CDKAL1: variants seen among roughly 807,000 people sequenced by gnomAD.
CDKAL1 encodes the protein CDKAL1 threonylcarbamoyladenosine tRNA methylthiotransferase.
Under a neutral mutation model 68.2 loss-of-function variants are expected in CDKAL1, and 32 were observed. The ratio of observed to expected loss-of-function variants is 0.47; its 90% confidence interval spans 0.35 to 0.63. The LOEUF (loss-of-function observed/expected upper bound fraction) is 0.63, where lower values mean the gene tolerates loss of function less well. Ranked by LOEUF, CDKAL1 falls within the 30% of genes least tolerant of loss-of-function variation. The pLI, the probability that CDKAL1 is intolerant of heterozygous loss-of-function variation, is 0.00. For missense variants in CDKAL1, 606 were observed against 696.7 expected (o/e 0.87, Z 1.47); for synonymous variants, 234 against 244.3 (o/e 0.96, Z 0.39).
chr6:20,933,029 G>A (rs1219214183), intron 9 of CDKAL1, among the ~76,000 whole-genome samples: 1 of 152,138 alleles, frequency 6.6e-6, no homozygotes, highest in Non-Finnish European at 1.5e-5. Flanking sequence ...AAGGAGCCAG[G>A]AATCAAACCC....
At position 21,127,485 on chromosome 6, in the gene CDKAL1, C is replaced by T. The variant is rs1582256061; in HGVS notation, c.1299+19022C>T. ...TGTAAAAAGGCCAGGCACAGTGTCT[C>T]ACACCTGTAATCCCAATACTTTGGG... is the stretch of plus-strand genomic sequence containing the variant. On this transcript the variant is annotated intron_variant, in intron 13 of 15. Coordinates refer to ENST00000274695, the MANE Select transcript of CDKAL1 (RefSeq NM_017774.3). Among the ~76,000 whole-genome samples the T allele has an allele frequency of 2.0e-5, 3 of 152,198 alleles. No homozygotes were observed. The East Asian group carries it at 5.8e-4, about 29-fold the overall frequency.
intron 9 of CDKAL1, among the ~76,000 whole-genome samples, chr6:20,952,686 T>C (rs886582994): frequency 1.3e-5 from 2 of 152,242 alleles, no homozygotes; most frequent in Non-Finnish European, 2.9e-5. Flanking sequence ...GTCTAGCCAA[T>C]TAAGTGTGCA....
intron 8 of CDKAL1, among the ~76,000 whole-genome samples, chr6:20,833,377 C>T (rs79561237): frequency 0.011 from 1,707 of 152,240 alleles, 26 homozygotes; most frequent in African/African-American, 0.039. Flanking sequence ...TATACGTGTT[C>T]TTAACTAAAA....
intron 4 of CDKAL1, among the ~76,000 whole-genome samples, chr6:20,587,096 C>G (rs182993120): frequency 2.1e-5 from 3 of 145,132 alleles, no homozygotes; most frequent in African/African-American, 7.6e-5. Flanking sequence ...AAGTGATTCT[C>G]TTGCCCCAGC....
At chr6:20,565,599 A>G (rs1764431532) in intron 4 of CDKAL1, among the ~76,000 whole-genome samples, 1 of 152,124 alleles carries the variant, frequency 6.6e-6, no homozygotes, top group Admixed American at 6.5e-5. Flanking sequence ...TGTTAGTAAT[A>G]TGCTACATAT....
At chr6:20,792,906 A>C (rs1006093786) in intron 8 of CDKAL1, among the ~76,000 whole-genome samples, 7 of 152,228 alleles carry the variant, frequency 4.6e-5, no homozygotes, top group African/African-American at 1.7e-4. Flanking sequence ...ATATAATAGT[A>C]GTTTTATATG....
At chr6:20,678,886 G>A (rs1440326194) in intron 5 of CDKAL1, among the ~76,000 whole-genome samples, 1 of 151,956 alleles carries the variant, frequency 6.6e-6, no homozygotes, top group Non-Finnish European at 1.5e-5. Flanking sequence ...AATGCCTGTA[G>A]TTTCATTGCC....
At chr6:20,620,275 T>C (rs1767119658) in intron 4 of CDKAL1, among the ~76,000 whole-genome samples, 1 of 152,208 alleles carries the variant, frequency 6.6e-6, no homozygotes, top group Non-Finnish European at 1.5e-5. Flanking sequence ...ACAAGATAGC[T>C]CAAAGACTTT....
At chr6:20,927,503 C>A (rs561220946) in intron 9 of CDKAL1, among the ~76,000 whole-genome samples, 1 of 152,274 alleles carries the variant, frequency 6.6e-6, no homozygotes, top group East Asian at 1.9e-4. Flanking sequence ...TAGGAGTACA[C>A]CTCTTTTGCA....
At chr6:20,681,222 A>C (rs949008078) in intron 5 of CDKAL1, among the ~76,000 whole-genome samples, 1 of 152,182 alleles carries the variant, frequency 6.6e-6, no homozygotes, top group African/African-American at 2.4e-5. Context: ...AACATTGTAG[A>C]AGGTTATTAT....
intron 6 of CDKAL1, chr6:20,756,902 T>TCC (rs1554115824): frequency 8.7e-5 from 9 of 103,254 alleles, no homozygotes; most frequent in African/African-American, 2.9e-4. Flanking sequence ...CTTCCTTCCT[T>TCC]CCTTCCTTCC....
chr6:21,027,690 ACAGATGTGAACGC>A (rs1158014433), intron 11 of CDKAL1, among the ~76,000 whole-genome samples: 1 of 152,262 alleles, frequency 6.6e-6, no homozygotes, highest in African/African-American at 2.4e-5. Context: ...GAAAGCCCTC[ACAGATGTGAACGC>A]CATGTTTTGG....
At chr6:21,036,339 A>G (rs1396557513) in intron 11 of CDKAL1, among the ~76,000 whole-genome samples, 1 of 152,112 alleles carries the variant, frequency 6.6e-6, no homozygotes, top group African/African-American at 2.4e-5. Flanking sequence ...CTGAGGAAAA[A>G]TTTCAGTCTC....
At chr6:21,132,481 T>C (rs1775377583) in intron 13 of CDKAL1, among the ~76,000 whole-genome samples, 1 of 150,896 alleles carries the variant, frequency 6.6e-6, no homozygotes, top group South Asian at 2.1e-4. Context: ...AGCTCAGCCA[T>C]TATACATAAG....
At chr6:20,882,496 G>A (rs181799982) in intron 9 of CDKAL1, among the ~76,000 whole-genome samples, 1 of 152,222 alleles carries the variant, frequency 6.6e-6, no homozygotes, top group East Asian at 1.9e-4. Context: ...CTAATTTACA[G>A]GGCCCAGCCA....
At chr6:20,743,095 C>T (rs963286024) in intron 6 of CDKAL1, among the ~76,000 whole-genome samples, 1 of 152,078 alleles carries the variant, frequency 6.6e-6, no homozygotes, top group African/African-American at 2.4e-5. Flanking sequence ...AAAGAGAAAA[C>T]AGTTCTGAAG....
chr6:20,943,345 GA>G (rs66615536), intron 9 of CDKAL1, among the ~76,000 whole-genome samples: 70,787 of 137,426 alleles, frequency 0.52, 19,209 homozygotes, highest in East Asian at 0.86. Context: ...AAAAAAAAAA[GA>G]AAAAGAAAAA....
chr6:20,645,264 A>G (rs1456270981), intron 4 of CDKAL1, among the ~76,000 whole-genome samples: 1 of 152,132 alleles, frequency 6.6e-6, no homozygotes, highest in African/African-American at 2.4e-5. Context: ...TTTATACAAA[A>G]TATTTTTCTT....
chr6:20,546,419 A>T lies in CDKAL1; in HGVS notation c.69A>T (p.Lys23Asn), dbSNP rs1297671102. 1 of 1,613,964 alleles carries T rather than the reference A, an allele frequency of 6.2e-7. No individual in the cohort carries two copies. The highest frequency in any genetic ancestry group is 1.3e-5 in the African/African-American group (1 of 74,948). Residue 23 changes from lysine (K) to asparagine (N), a missense_variant, in exon 3 of 16, where the codon AAA (lysine) becomes AAT (asparagine). Coordinates refer to ENST00000274695, the MANE Select transcript of CDKAL1 (RefSeq NM_017774.3). ...ATATCGTGTCTCAGGAAGATTCAAA[A>T]CCACAAGATAGGCATTTTGTAAGAA... ...IEDIVSQEDS[K>N]PQDRHFVRKD...
Sources: gnomAD v4.1 joint callset for allele counts (sites outside exome capture counted in the v4.1 genomes callset) on GRCh38, gnomAD v4.1.1 for gene constraint, MANE v1.5 for transcripts, NCBI Gene and HGNC (gene_info 2026-07-23, HGNC 2026-07-21) for gene names.